GPC3: variants seen among roughly 807,000 people sequenced by gnomAD.
GPC3 encodes glypican 3.
Under a neutral mutation model 34.4 loss-of-function variants are expected in GPC3, and 3 were observed. The ratio of observed to expected loss-of-function variants is 0.09; its 90% CI spans 0.04 to 0.23. The LOEUF is 0.23. GPC3 is among the 10% of genes least tolerant of loss of function. GPC3 has a pLI of 1.00. For synonymous variants in GPC3, 177 were observed against 174.0 expected, an observed-to-expected ratio of 1.02 and a Z score of -0.13; for missense variants, 351 against 445.6, an observed-to-expected ratio of 0.79 and a Z score of 1.91.
At chrX:133,850,626 A>G (rs961570510) in intron 2 of GPC3, among the ~76,000 whole-genome samples, 8 of 111,321 alleles carry the variant, frequency 7.2e-5, no homozygotes, top group Non-Finnish European at 1.3e-4. Flanking sequence ...ATGATCATGC[A>G]ATTTTAAGTA....
At chrX:133,716,359 C>CA (rs1175772865) in intron 3 of GPC3, among the ~76,000 whole-genome samples, 2 of 111,652 alleles carry the variant, frequency 1.8e-5, no homozygotes, top group African/African-American at 6.5e-5. Flanking sequence ...CTTTATTAGA[C>CA]AAAAAACTTT....
At chrX:133,882,589 T>C (rs2076046642) in intron 2 of GPC3, among the ~76,000 whole-genome samples, 1 of 110,084 alleles carries the variant, frequency 9.1e-6, no homozygotes, top group African/African-American at 3.3e-5. Context: ...TAACAAGGAA[T>C]TGCCCTTGTG....
At chrX:133,800,160 T>C (rs939115003) in intron 2 of GPC3, among the ~76,000 whole-genome samples, 1 of 112,063 alleles carries the variant, frequency 8.9e-6, no homozygotes, top group Non-Finnish European at 1.9e-5. Flanking sequence ...CAAAAACCAA[T>C]AACTAAAACA....
intron 2 of GPC3, among the ~76,000 whole-genome samples, chrX:133,811,614 T>A (rs890373952): frequency 4.5e-5 from 5 of 111,885 alleles, no homozygotes; most frequent in African/African-American, 9.8e-5. Context: ...TGGGCACTGA[T>A]GTTGCTGCCT....
Position 133,940,518 on chromosome X carries a change from T to C in GPC3, c.337+12532A>G, listed in dbSNP as rs1193390537. Reference sequence around the variant, plus strand: ...ATACCTAATGGTGTTATTACCATTATGAAGATTACTCAAGTCTAGCACATA... The same window carrying C: ...ATACCTAATGGTGTTATTACCATTACGAAGATTACTCAAGTCTAGCACATA... On this transcript the variant is annotated intron_variant, in intron 2 of 7. Coordinates refer to ENST00000370818, the MANE Select transcript of GPC3 (RefSeq NM_004484.4). Among the ~76,000 whole-genome samples, 48 of 111,596 alleles carry C rather than the reference T, an allele frequency of 4.3e-4. No individual in the cohort carries two copies. In the Admixed American group the frequency reaches 4.6e-3, roughly 11 times the overall value.
At chrX:133,747,837 A>G (rs1169295421) in intron 3 of GPC3, among the ~76,000 whole-genome samples, 2 of 112,367 alleles carry the variant, frequency 1.8e-5, no homozygotes, top group Non-Finnish European at 3.8e-5. Flanking sequence ...TATCACAACG[A>G]AAAAAGAAAG....
intron 2 of GPC3, among the ~76,000 whole-genome samples, chrX:133,784,797 C>T (rs1456067869): frequency 2.7e-5 from 3 of 112,002 alleles, no homozygotes; most frequent in Non-Finnish European, 5.6e-5. Flanking sequence ...CAACCATCAC[C>T]ACCATCTGAT....
chrX:133,601,750 A>G (rs2069983989), intron 6 of GPC3, among the ~76,000 whole-genome samples: 1 of 111,929 alleles, frequency 8.9e-6, no homozygotes, highest in Admixed American at 9.5e-5. Context: ...GATTCTCTAA[A>G]TTCCATAAAA....
intron 5 of GPC3, among the ~76,000 whole-genome samples, chrX:133,667,274 T>C (rs1383960891): frequency 8.9e-6 from 1 of 111,908 alleles, no homozygotes; most frequent in East Asian, 2.8e-4. Flanking sequence ...ATAGTCACCA[T>C]ATTATACATT....
At chrX:133,708,610 C>T (rs1196005745) in intron 3 of GPC3, among the ~76,000 whole-genome samples, 1 of 111,585 alleles carries the variant, frequency 9.0e-6, no homozygotes, top group Non-Finnish European at 1.9e-5. Flanking sequence ...TGCAAGTGTA[C>T]CCTCTAATCT....
intron 2 of GPC3, among the ~76,000 whole-genome samples, chrX:133,804,479 C>CA (rs2075626404): frequency 9.4e-6 from 1 of 106,221 alleles, no homozygotes; most frequent in Non-Finnish European, 2.0e-5. Flanking sequence ...CAGCCCTGAC[C>CA]TTTTTTTTTT....
chrX:133,776,942 C>T (rs887549593), intron 2 of GPC3, among the ~76,000 whole-genome samples: 1 of 97,358 alleles, frequency 1.0e-5, no homozygotes, highest in Non-Finnish European at 2.0e-5. Context: ...TGCAGTGGCG[C>T]GATCTCAGCT....
intron 7 of GPC3, among the ~76,000 whole-genome samples, chrX:133,577,039 G>A (rs953347198): frequency 4.5e-5 from 5 of 111,561 alleles, no homozygotes; most frequent in Admixed American, 9.6e-5. Context: ...CAAATATGGC[G>A]GACAGGTCTG....
At chrX:133,825,030 T>C (rs1367337279) in intron 2 of GPC3, among the ~76,000 whole-genome samples, 1 of 111,343 alleles carries the variant, frequency 9.0e-6, no homozygotes, top group Admixed American at 9.5e-5. Flanking sequence ...TACTTTTTTA[T>C]ATTTTTAGTA....
chrX:133,642,758 G>A (rs187417010), intron 6 of GPC3, among the ~76,000 whole-genome samples: 178 of 79,732 alleles, frequency 2.2e-3, no homozygotes, highest in African/African-American at 7.2e-3. Context: ...GGCAACAAGA[G>A]TGAAACTACG....
intron 2 of GPC3, among the ~76,000 whole-genome samples, chrX:133,765,504 T>C (rs1327831927): frequency 8.9e-6 from 1 of 112,016 alleles, no homozygotes; most frequent in Non-Finnish European, 1.9e-5. Context: ...AAACCTGTAT[T>C]TCTTTTCAAT....
intron 3 of GPC3, among the ~76,000 whole-genome samples, chrX:133,710,306 C>T (rs1204943574): frequency 8.9e-6 from 1 of 111,898 alleles, no homozygotes; most frequent in Admixed American, 9.5e-5. Flanking sequence ...ATCCTCTTAC[C>T]ATTTCAATAA....
chrX:133,886,593 T>A (rs760159715), intron 2 of GPC3, among the ~76,000 whole-genome samples: 20 of 111,830 alleles, frequency 1.8e-4, no homozygotes, highest in Admixed American at 4.8e-4. Context: ...CCTTTGATTA[T>A]CATCTCCCCA....
intron 2 of GPC3, among the ~76,000 whole-genome samples, chrX:133,891,491 A>G (rs2076087057): frequency 9.0e-6 from 1 of 110,614 alleles, no homozygotes; most frequent in Admixed American, 9.7e-5. Flanking sequence ...ATTCTGGGCC[A>G]GGCATGGGAG....
Sources: gnomAD v4.1 joint callset for allele counts (sites outside exome capture counted in the v4.1 genomes callset) on GRCh38, gnomAD v4.1.1 for gene constraint, MANE v1.5 for transcripts, NCBI Gene and HGNC (gene_info 2026-07-23, HGNC 2026-07-21) for gene names.